Variants in SHANK2 observed in about 807,000 individuals in gnomAD.
The protein encoded by SHANK2 is SH3 and multiple ankyrin repeat domains 2, also known as SH3 and multiple ankyrin repeat domains protein 2.
SHANK2 carries 43 observed loss-of-function variants against 133.7 expected under a neutral mutation model. The observed-to-expected ratio is 0.32, with a 90% CI of 0.25 to 0.41. The LOEUF is 0.41. Among genes scored for constraint, SHANK2 ranks in the 10% least tolerant of loss-of-function variants. The pLI, the probability that SHANK2 is intolerant of heterozygous loss-of-function variation, is 1.00. For missense variants in SHANK2, 1,994 were observed against 2,235.8 expected (o/e 0.89, Z 2.18); for synonymous variants, 1,017 against 952.8 (o/e 1.07, Z -1.24).
At position 70,781,558 on chromosome 11, in the gene SHANK2, T is replaced by TTTTATATATATATATATATATATATA. The variant is rs1555045156; in HGVS notation, c.1777+16884_1777+16885insTATATATATATATATATATATATAAA. ...AAGCAGCTTGCAATTTACTTACTTATTATATATATATATATATATATATAT... is the reference window on the plus strand; with the variant it reads ...AAGCAGCTTGCAATTTACTTACTTATTTTATATATATATATATATATATATATATATATATATATATATATATATAT... On this transcript the variant is annotated intron_variant, in intron 14 of 25. Coordinates refer to ENST00000601538, the MANE Select transcript of SHANK2 (RefSeq NM_012309.5). Among the ~76,000 whole-genome samples, 24 of 28,962 alleles carry TTTTATATATATATATATATATATATA rather than the reference T, an allele frequency of 8.3e-4. 1 individual carries two copies. Among genetic ancestry groups the TTTTATATATATATATATATATATATA allele is most frequent in the African/African-American group, 2.2e-3 (21 of 9,596 alleles). 19.0% of individuals were successfully genotyped at this position (28,962 alleles called of 152,430 possible).
intron 25 of SHANK2, among the ~76,000 whole-genome samples, chr11:70,476,269 C>T (rs976651189): frequency 6.6e-6 from 1 of 152,036 alleles, no homozygotes; most frequent in Non-Finnish European, 1.5e-5. Context: ...CCAAAAAACC[C>T]GAAATCAAAT....
At position 70,804,892 on chromosome 11, in the gene SHANK2, C is replaced by A. The variant is rs989102559; in HGVS notation, c.1663+2110G>T. On this transcript the variant is annotated intron_variant, in intron 13 of 25. Transcript: ENST00000601538. This position sits in a 1 kb window ranked among gnomAD's most constrained non-coding sequence, Gnocchi z 4.1. Reference sequence around the variant, plus strand: ...TCCCCCTCTCCCTTGAGCTCCTGCTCATCCATGCTGCTACTCAGGGTCCCC... The same window carrying A: ...TCCCCCTCTCCCTTGAGCTCCTGCTAATCCATGCTGCTACTCAGGGTCCCC... 6.6e-6 allele frequency among the ~76,000 whole-genome samples: 1 copy of A among 152,202 alleles called. No homozygotes were observed. Among genetic ancestry groups the A allele is most frequent in the Non-Finnish European group, 1.5e-5 (1 of 68,024 alleles).
chr11:71,085,865 T>TATAA (rs1951392940), intron 8 of SHANK2, among the ~76,000 whole-genome samples: 5 of 24 alleles, frequency 0.21, 1 homozygote, highest in African/African-American at 0.28. Context: ...GTTATTTTAA[T>TATAA]ATATTATATA....
At chr11:70,876,660 A>G (rs148783489) in intron 11 of SHANK2, among the ~76,000 whole-genome samples, 28 of 152,262 alleles carry the variant, frequency 1.8e-4, no homozygotes, top group Admixed American at 1.8e-3. Flanking sequence ...TGATTCATTA[A>G]CGGGGAAGCT....
chr11:70,748,407 G>A (rs1946686796), intron 14 of SHANK2, among the ~76,000 whole-genome samples: 1 of 152,062 alleles, frequency 6.6e-6, no homozygotes, highest in Non-Finnish European at 1.5e-5. Context: ...ACCGTCCCCT[G>A]CCCACCCCCA....
chr11:71,169,807 CA>C (rs1953273751), intron 2 of SHANK2, among the ~76,000 whole-genome samples: 1 of 149,450 alleles, frequency 6.7e-6, no homozygotes, highest in Non-Finnish European at 1.5e-5. Context: ...CTGATTTTTG[CA>C]TATCTCAGCG....
At chr11:70,686,941 CCT>C (rs1945168246) in intron 15 of SHANK2, among the ~76,000 whole-genome samples, 1 of 152,222 alleles carries the variant, frequency 6.6e-6, no homozygotes, top group Admixed American at 6.5e-5. Context: ...ACTGATGGCC[CCT>C]GTCTGGACCC....
At chr11:71,178,241 AACTC>A (rs1363449863) in intron 2 of SHANK2, among the ~76,000 whole-genome samples, 2 of 152,244 alleles carry the variant, frequency 1.3e-5, no homozygotes, top group Admixed American at 6.5e-5. Context: ...AGTGGAATAA[AACTC>A]AGTCTTAAAA....
At chr11:71,069,999 G>C (rs1484992336) in intron 9 of SHANK2, among the ~76,000 whole-genome samples, 7 of 152,280 alleles carry the variant, frequency 4.6e-5, no homozygotes, top group Non-Finnish European at 1.5e-5. Context: ...TGTAGACAAG[G>C]GGGAGTGAGT....
At chr11:70,909,791 G>C (rs782414550) in intron 10 of SHANK2, among the ~76,000 whole-genome samples, 5 of 152,298 alleles carry the variant, frequency 3.3e-5, no homozygotes, top group Admixed American at 2.0e-4. Context: ...TCCAAAGCAA[G>C]AATTGAACAC....
intron 14 of SHANK2, among the ~76,000 whole-genome samples, chr11:70,715,297 A>T (rs1555027004): frequency 6.6e-6 from 1 of 152,162 alleles, no homozygotes; most frequent in East Asian, 1.9e-4. Flanking sequence ...GGAAGGGAGG[A>T]TGCTCAGCTC....
At chr11:70,911,536 TG>T (rs1950191864) in intron 10 of SHANK2, among the ~76,000 whole-genome samples, 1 of 152,192 alleles carries the variant, frequency 6.6e-6, no homozygotes, top group Admixed American at 6.5e-5. Context: ...AAACTTTATT[TG>T]CCCCCCAACT....
At chr11:70,658,226 C>T (rs1378661126) in intron 17 of SHANK2, among the ~76,000 whole-genome samples, 1 of 115,056 alleles carries the variant, frequency 8.7e-6, no homozygotes, top group East Asian at 2.2e-4. Context: ...CACACACACA[C>T]ACACACACAC....
At chr11:71,195,260 C>T (rs984455167) in intron 2 of SHANK2, among the ~76,000 whole-genome samples, 1 of 152,144 alleles carries the variant, frequency 6.6e-6, no homozygotes, top group Admixed American at 6.5e-5. Context: ...GGCGTGGTGG[C>T]GGGCGCCTGT....
intron 1 of SHANK2, among the ~76,000 whole-genome samples, chr11:71,234,362 A>AAAATAAATAAAT (rs60796828): frequency 0.041 from 5,737 of 140,992 alleles, 253 homozygotes; most frequent in African/African-American, 0.11. Flanking sequence ...ACTCATCTCA[A>AAAATAAATAAAT]AAATAAATAA....
intron 10 of SHANK2, among the ~76,000 whole-genome samples, chr11:70,948,101 T>A (rs78220190): frequency 0.014 from 2,172 of 152,078 alleles, 22 homozygotes; most frequent in Non-Finnish European, 0.025. Flanking sequence ...TCTGACATCC[T>A]GAGGGCCCAC....
At chr11:71,078,860 A>G (rs1951254745) in intron 8 of SHANK2, among the ~76,000 whole-genome samples, 1 of 152,272 alleles carries the variant, frequency 6.6e-6, no homozygotes, top group South Asian at 2.1e-4. Context: ...CTTTGGGTAC[A>G]CTGCCTCTGG....
chr11:70,472,523 A>G lies in SHANK2; in HGVS notation c.*346T>C. 1 of 377,480 alleles carries G rather than the reference A, an allele frequency of 2.6e-6. No homozygotes were observed. Among genetic ancestry groups the G allele is most frequent in the South Asian group, 2.2e-5 (1 of 44,752 alleles). The allele number at this position is 377,480 out of a possible 1,614,324, so 23.4% of individuals were successfully genotyped here. On this transcript the variant is annotated 3_prime_UTR_variant, in exon 26 of 26. Transcript: ENST00000601538. The surrounding 1 kb of genome is among the most constrained non-coding windows in gnomAD (Gnocchi z 4.4). ...ATCTAGAGTGCACTGGTGTCTGCCT[A>G]CAAGAGCTAGGATCCCGTGCAAAAT...
chr11:70,704,479 G>A (rs1945615536), intron 14 of SHANK2, among the ~76,000 whole-genome samples: 1 of 152,204 alleles, frequency 6.6e-6, no homozygotes, highest in Non-Finnish European at 1.5e-5. Flanking sequence ...GCATATGTGG[G>A]TGTGGTCTAG....
Sources: gnomAD v4.1 joint callset for allele counts (sites outside exome capture counted in the v4.1 genomes callset) on GRCh38, gnomAD v4.1.1 for gene constraint, Gnocchi (gnomAD v3.1) non-coding constraint, MANE v1.5 for transcripts, NCBI Gene and HGNC (gene_info 2026-07-23, HGNC 2026-07-21) for gene names.